MGAT4C: variants seen among roughly 807,000 people sequenced by gnomAD.
MGAT4C encodes MGAT4 family member C.
MGAT4C carries 19 observed loss-of-function variants against 40.1 expected under a neutral mutation model. That is an observed-to-expected ratio of 0.47 (90% CI 0.33 to 0.70). The LOEUF (loss-of-function observed/expected upper bound fraction) is 0.70. Among genes scored for constraint, MGAT4C ranks in the 30% least tolerant of loss-of-function variants. The pLI, the probability that MGAT4C is intolerant of heterozygous loss-of-function variation, is 0.02. For missense variants in MGAT4C, 491 were observed against 563.2 expected (o/e 0.87, Z 1.30); for synonymous variants, 181 against 187.1 (o/e 0.97, Z 0.27).
At chr12:86,075,931 G>A (rs1869611348) in intron 1 of MGAT4C, among the ~76,000 whole-genome samples, 1 of 152,160 alleles carries the variant, frequency 6.6e-6, no homozygotes, top group African/African-American at 2.4e-5. Flanking sequence ...CCATGGTCTT[G>A]GTAATTAACA....
At chr12:86,394,880 T>C (rs1956229064) in intron 3 of MGAT4C, among the ~76,000 whole-genome samples, 1 of 151,790 alleles carries the variant, frequency 6.6e-6, no homozygotes, top group African/African-American at 2.4e-5. Context: ...CCTCCCAAAG[T>C]GCTGGGAATA....
chr12:86,466,595 G>A (rs1212737922), intron 2 of MGAT4C, among the ~76,000 whole-genome samples: 1 of 152,180 alleles, frequency 6.6e-6, no homozygotes, highest in African/African-American at 2.4e-5. Context: ...AAATTGTTCA[G>A]TAGAATACTA....
chr12:86,123,413 G>T (rs1413259358), intron 1 of MGAT4C, among the ~76,000 whole-genome samples: 1 of 152,034 alleles, frequency 6.6e-6, no homozygotes, highest in African/African-American at 2.4e-5. Context: ...CTTAGTTTTT[G>T]GGCTTCAGAT....
chr12:86,627,618 C>T (rs1177351568), intron 2 of MGAT4C, among the ~76,000 whole-genome samples: 1 of 152,164 alleles, frequency 6.6e-6, no homozygotes, highest in African/African-American at 2.4e-5. Flanking sequence ...GAGTGGAGCT[C>T]CAGCAAACTC....
rs370457902 is a variant in MGAT4C, at chr12:86,578,134, G to T, written c.-228-142869C>A. On this transcript the variant is annotated intron_variant, in intron 2 of 7. Transcript: ENST00000548651. ...AGAATAGGATGAGGAGGACCTATCT[G>T]TGTGGTAAGGGAGGAAAAGAGAGTC... Among the ~76,000 whole-genome samples, 6 of 151,734 alleles carry T rather than the reference G, an allele frequency of 4.0e-5. No homozygotes were observed. In the South Asian group the frequency reaches 1.2e-3, roughly 31 times the overall value.
At chr12:86,572,673 T>G (rs1461849771) in intron 2 of MGAT4C, among the ~76,000 whole-genome samples, 1 of 152,062 alleles carries the variant, frequency 6.6e-6, no homozygotes, top group Non-Finnish European at 1.5e-5. Context: ...ACAATAATCT[T>G]TTTCTAACTG....
chr12:86,028,081 C>T, intron 2 of MGAT4C: 2 of 1,251,252 alleles, frequency 1.6e-6, no homozygotes, highest in African/African-American at 1.5e-5. Flanking sequence ...AATCTTCCAT[C>T]AACTACCTTT....
chr12:86,765,953 C>A (rs12302026), intron 1 of MGAT4C, among the ~76,000 whole-genome samples: 9,420 of 152,170 alleles, frequency 0.062, 339 homozygotes, highest in Middle Eastern at 0.16. Context: ...GAAGAAACTG[C>A]ATCAACTAAT....
chr12:86,477,171 A>G (rs1022174731), intron 2 of MGAT4C, among the ~76,000 whole-genome samples: 13 of 151,970 alleles, frequency 8.6e-5, no homozygotes, highest in Non-Finnish European at 1.0e-4. Flanking sequence ...TATAAGTAAA[A>G]TTGACTTTTG....
At chr12:86,474,643 T>C (rs1957806117) in intron 2 of MGAT4C, among the ~76,000 whole-genome samples, 1 of 152,140 alleles carries the variant, frequency 6.6e-6, no homozygotes, top group South Asian at 2.1e-4. Context: ...TTATGAATTG[T>C]ATAAATGACA....
chr12:86,022,898 T>A (rs1750313107), intron 2 of MGAT4C, among the ~76,000 whole-genome samples: 1 of 151,962 alleles, frequency 6.6e-6, no homozygotes, highest in African/African-American at 2.4e-5. Context: ...TCAGAGAATA[T>A]TACATAGAGG....
At position 86,401,280 on chromosome 12, in the gene MGAT4C, G is replaced by A. The variant is rs71438912; in HGVS notation, c.-120+33877C>T. 3.9e-3 allele frequency among the ~76,000 whole-genome samples: 432 copies of A among 112,180 alleles called. 3 individuals are homozygous for A. The highest frequency in any genetic ancestry group is 3.6e-3 in the Non-Finnish European group (188 of 51,776). 73.6% of individuals were successfully genotyped at this position (112,180 alleles called of 152,430 possible). A position where few individuals can be genotyped will look rare whatever the true frequency, so the allele number is the denominator to read the frequency against. On this transcript the variant is annotated intron_variant, in intron 3 of 7. Transcript: ENST00000548651. ...TATATATGTGTGTGTGTGTGTGTGT[G>A]TATGTGGGTGTGTGTGTGTGTGTAT...
At chr12:86,089,244 C>G (rs1872452488) in intron 1 of MGAT4C, among the ~76,000 whole-genome samples, 1 of 151,742 alleles carries the variant, frequency 6.6e-6, no homozygotes, top group African/African-American at 2.4e-5. Context: ...TTGTTTATAA[C>G]TTGTTTAAGT....
intron 1 of MGAT4C, among the ~76,000 whole-genome samples, chr12:86,817,407 C>T (rs1178303789): frequency 1.3e-5 from 2 of 151,420 alleles, no homozygotes; most frequent in Non-Finnish European, 3.0e-5. Context: ...AATTTGGAGA[C>T]TTGCTTTGTT....
intron 3 of MGAT4C, among the ~76,000 whole-genome samples, chr12:86,353,107 T>C (rs1472960198): frequency 6.6e-6 from 1 of 151,718 alleles, no homozygotes; most frequent in Non-Finnish European, 1.5e-5. Context: ...CTTCTCACTG[T>C]TTCCATTGAG....
chr12:86,838,503 G>A (rs554508883), intron 1 of MGAT4C, among the ~76,000 whole-genome samples: 1 of 152,176 alleles, frequency 6.6e-6, no homozygotes, highest in Admixed American at 6.5e-5. Flanking sequence ...TCAGTAAAGG[G>A]AGCAGATTAT....
chr12:86,470,650 T>C (rs1018017026), intron 2 of MGAT4C, among the ~76,000 whole-genome samples: 5 of 152,192 alleles, frequency 3.3e-5, no homozygotes, highest in African/African-American at 9.6e-5. Flanking sequence ...ATAAATACTA[T>C]TTAGACTTAT....
rs1275672993 is a variant in MGAT4C, at chr12:85,958,698, A to AC, written c.*20590_*20591insG. On this transcript the variant is annotated 3_prime_UTR_variant, in exon 5 of 5. Transcript: ENST00000611864. ...TTACAACTAGCAATTTTAAAGACTTAAAGTTTAATTTTTATTATTAAAAGG... is the reference window on the plus strand; with the variant it reads ...TTACAACTAGCAATTTTAAAGACTTACAAGTTTAATTTTTATTATTAAAAGG... The AC allele has an allele frequency of 2.0e-5, 3 of 152,112 alleles. No homozygotes were observed. Among genetic ancestry groups the AC allele is most frequent in the Non-Finnish European group, 4.4e-5 (3 of 68,010 alleles). 9.4% of individuals were successfully genotyped at this position (152,112 alleles called of 1,614,324 possible). A position where few individuals can be genotyped will look rare whatever the true frequency, so the allele number is the denominator to read the frequency against.
intron 1 of MGAT4C, among the ~76,000 whole-genome samples, chr12:86,083,922 C>T (rs530518879): frequency 4.1e-4 from 63 of 152,068 alleles, no homozygotes; most frequent in African/African-American, 1.5e-3. Context: ...AGATGTTTAC[C>T]ACAGTCAGTA....
Sources: allele counts gnomAD v4.1 joint callset (sites outside exome capture counted in the v4.1 genomes callset), GRCh38; gene constraint gnomAD v4.1.1; transcripts MANE v1.5; gene names NCBI Gene and HGNC (gene_info 2026-07-23, HGNC 2026-07-21).